The following LEKR1 variants were observed in gnomAD, a reference collection of about 807,000 sequenced individuals.
LEKR1 encodes protein LEKR1.
In LEKR1, 59 loss-of-function variants were observed where a neutral mutation model predicts 72.4. That is an observed-to-expected ratio of 0.82 (90% confidence interval 0.66 to 1.01). The LOEUF is 1.01. LEKR1 is among the 50% of genes least tolerant of loss of function. LEKR1 has a pLI of 0.00. For synonymous variants in LEKR1, 257 were observed against 263.2 expected, an observed-to-expected ratio of 0.98 and a Z score of 0.23; for missense variants, 728 against 759.2, an observed-to-expected ratio of 0.96 and a Z score of 0.48.
intron 8 of LEKR1, 41 bp from the exon 9 acceptor site, chr3:156,993,033 T>C (rs372604388): frequency 9.7e-7 from 1 of 1,034,198 alleles, no homozygotes; most frequent in African/African-American, 1.6e-5. Context: ...AAATGTAGTA[T>C]ATAATGTATG....
chr3:157,012,427 A>T (rs1248671478), intron 10 of LEKR1, among the ~76,000 whole-genome samples: 2 of 152,120 alleles, frequency 1.3e-5, no homozygotes, highest in Non-Finnish European at 2.9e-5. Context: ...TTGGGGATTG[A>T]CCCCATAACT....
chr3:156,845,351 G>T (rs344090), intron 2 of LEKR1, among the ~76,000 whole-genome samples: 35,393 of 151,640 alleles, frequency 0.23, 6,175 homozygotes, highest in African/African-American at 0.49. Flanking sequence ...TGAAATTCAG[G>T]TTATCAGATT....
chr3:156,884,136 C>G (rs1295457309), intron 3 of LEKR1, among the ~76,000 whole-genome samples: 1 of 152,162 alleles, frequency 6.6e-6, no homozygotes, highest in Non-Finnish European at 1.5e-5. Flanking sequence ...TCTTTTGCCA[C>G]CCCTTTGCCT....
At chr3:157,011,050 T>C (rs1259006777) in intron 9 of LEKR1, among the ~76,000 whole-genome samples, 3 of 152,150 alleles carry the variant, frequency 2.0e-5, no homozygotes, top group Non-Finnish European at 4.4e-5. Context: ...TTTTAGAATT[T>C]AGTCTTATAC....
At chr3:157,040,582 C>T (rs534793747) in intron 12 of LEKR1, among the ~76,000 whole-genome samples, 1 of 152,198 alleles carries the variant, frequency 6.6e-6, no homozygotes, top group Non-Finnish European at 1.5e-5. Flanking sequence ...AAGCTGGGAA[C>T]ATCCTTTGCT....
Position 156,984,097 on chromosome 3 carries a change from C to T in LEKR1, c.827+4822C>T, listed in dbSNP as rs571044668. On this transcript the variant is annotated intron_variant, in intron 7 of 12. Transcript: ENST00000356539. Reference sequence around the variant, plus strand: ...CGGTTATGGCAGGCTATTAGGAATTCGGGAGATTAGAAATATCAGAAAAAT... The same window carrying T: ...CGGTTATGGCAGGCTATTAGGAATTTGGGAGATTAGAAATATCAGAAAAAT... 1.7e-3 allele frequency among the ~76,000 whole-genome samples: 261 copies of T among 152,128 alleles called. 1 individual carries two copies. The highest frequency in any genetic ancestry group is 4.3e-3 in the African/African-American group (179 of 41,512).
intron 12 of LEKR1, among the ~76,000 whole-genome samples, chr3:157,032,066 G>GGAGGGAGAGAGAGTGAGAGAGAGA (rs1330113867): frequency 6.6e-6 from 1 of 151,128 alleles, no homozygotes; most frequent in African/African-American, 2.4e-5. Flanking sequence ...AAGGAGGGAG[G>GGAGGGAGAGAGAGTGAGAGAGAGA]GAGGGAGAGA....
In LEKR1 at chr3:156,942,472, A is replaced by C; in HGVS notation, c.560-57A>C. 12 of 547,684 alleles carry C rather than the reference A, an allele frequency of 2.2e-5. No homozygotes were observed. The South Asian group carries it at 2.3e-4, about 10-fold the overall frequency. 33.9% of individuals were successfully genotyped at this position (547,684 alleles called of 1,614,324 possible). On this transcript the variant is annotated intron_variant, in intron 5 of 12. Coordinates refer to ENST00000356539, the MANE Select transcript of LEKR1 (RefSeq NM_001004316.3). ...CTAAAAGAAACTAATCAATCTTTAG[A>C]GAAATGTTTTATGATTCAATTATTG...
chr3:156,888,231 A>G, intron 3 of LEKR1: 2 of 682,752 alleles, frequency 2.9e-6, no homozygotes, highest in Non-Finnish European at 5.4e-6. Context: ...CAGTTGGTCA[A>G]CACTTTTATT....
chr3:156,904,232 T>C (rs190870099), intron 3 of LEKR1, among the ~76,000 whole-genome samples: 3 of 152,276 alleles, frequency 2.0e-5, no homozygotes, highest in Admixed American at 1.3e-4. Context: ...TTTAAAATGA[T>C]GGTAGCAGTA....
chr3:156,836,069 T>C (rs1713104168), intron 2 of LEKR1, among the ~76,000 whole-genome samples: 1 of 151,822 alleles, frequency 6.6e-6, no homozygotes, highest in African/African-American at 2.4e-5. Context: ...AGAGGGGCTT[T>C]CGTCATGTTC....
chr3:156,943,273 G>A (rs1055647791), intron 6 of LEKR1, among the ~76,000 whole-genome samples: 3 of 151,910 alleles, frequency 2.0e-5, no homozygotes, highest in African/African-American at 7.2e-5. Context: ...AATGAATAGA[G>A]GTGTTTCAAA....
chr3:156,894,009 A>G (rs779801137), intron 3 of LEKR1, among the ~76,000 whole-genome samples: 2 of 152,234 alleles, frequency 1.3e-5, no homozygotes, highest in Non-Finnish European at 2.9e-5. Context: ...GTGAAGGGTC[A>G]GGAGTTGGAA....
chr3:157,008,273 C>A (rs1732620596), intron 9 of LEKR1, among the ~76,000 whole-genome samples: 1 of 152,210 alleles, frequency 6.6e-6, no homozygotes, highest in Non-Finnish European at 1.5e-5. Flanking sequence ...GGACAGTAAA[C>A]CCCATCACAC....
chr3:156,914,799 T>C lies in LEKR1; in HGVS notation c.264-5776T>C, dbSNP rs141355366. Among the ~76,000 whole-genome samples the C allele has an allele frequency of 2.8e-4, 42 of 152,256 alleles. No homozygotes were observed. In the East Asian group the frequency reaches 7.9e-3, roughly 29 times the overall value. ...AGTACCTCATTTTTTAAAATTACGCTTTTATTTTAGGTTTGGGGTACATGT... is the reference window on the plus strand; with the variant it reads ...AGTACCTCATTTTTTAAAATTACGCCTTTATTTTAGGTTTGGGGTACATGT... On this transcript the variant is annotated intron_variant, in intron 3 of 12. Transcript: ENST00000356539.
At chr3:156,941,820 TATTA>T (rs1045432159) in intron 5 of LEKR1, among the ~76,000 whole-genome samples, 12 of 152,072 alleles carry the variant, frequency 7.9e-5, no homozygotes, top group African/African-American at 2.9e-4. Context: ...ACAGGGAGCT[TATTA>T]ATTATTCTGA....
At chr3:156,975,528 A>G (rs907652107) in intron 6 of LEKR1, among the ~76,000 whole-genome samples, 7 of 152,130 alleles carry the variant, frequency 4.6e-5, no homozygotes, top group African/African-American at 9.7e-5. Flanking sequence ...GTGCCCTCCA[A>G]GTGACTATGA....
Position 156,966,067 on chromosome 3 carries a change from T to C in LEKR1, c.746-13127T>C, listed in dbSNP as rs141464559. ...AAATCTCACAATTTCAACCATGTAATTAACTAATGTAACTAAATAAATAAT... is the reference window on the plus strand; with the variant it reads ...AAATCTCACAATTTCAACCATGTAACTAACTAATGTAACTAAATAAATAAT... On this transcript the variant is annotated intron_variant, in intron 6 of 12. Coordinates refer to ENST00000356539, the MANE Select transcript of LEKR1 (RefSeq NM_001004316.3). 6.2e-3 allele frequency among the ~76,000 whole-genome samples: 951 copies of C among 152,194 alleles called. 11 individuals carry two copies. Among genetic ancestry groups the C allele is most frequent in the African/African-American group, 0.022 (911 of 41,532 alleles).
At chr3:156,985,190 A>G (rs868159817) in intron 7 of LEKR1, among the ~76,000 whole-genome samples, 20 of 152,308 alleles carry the variant, frequency 1.3e-4, no homozygotes, top group African/African-American at 4.8e-4. Context: ...ACATTTCCAT[A>G]GAGTTACTTT....
Sources: gnomAD v4.1 joint callset for allele counts (sites outside exome capture counted in the v4.1 genomes callset) on GRCh38, gnomAD v4.1.1 for gene constraint, MANE v1.5 for transcripts, NCBI Gene and HGNC (gene_info 2026-07-23, HGNC 2026-07-21) for gene names.